MAST4: variants seen among roughly 807,000 people sequenced by gnomAD.
The protein encoded by MAST4 is microtubule-associated serine/threonine-protein kinase 4.
Under a neutral mutation model 162.7 loss-of-function variants are expected in MAST4, and 89 were observed. That is an observed-to-expected ratio of 0.55 (90% CI 0.46 to 0.65). The LOEUF is 0.65. Among genes scored for constraint, MAST4 ranks in the 30% least tolerant of loss-of-function variants. The probability of loss-of-function intolerance (pLI) is 0.00; values close to 1 mark genes in which losing one functional copy is unlikely to be tolerated. For missense variants in MAST4, 3,153 were observed against 3,374.0 expected (o/e 0.93, Z 1.62); for synonymous variants, 1,479 against 1,361.1 (o/e 1.09, Z -1.91).
intron 4 of MAST4, among the ~76,000 whole-genome samples, chr5:66,934,948 C>A (rs1742571346): frequency 6.6e-6 from 1 of 152,120 alleles, no homozygotes; most frequent in African/African-American, 2.4e-5. Flanking sequence ...GTGATAATTA[C>A]TATAGTTAGG....
At chr5:66,612,085 AT>A (rs775961922) in intron 1 of MAST4, among the ~76,000 whole-genome samples, 15 of 152,338 alleles carry the variant, frequency 9.8e-5, no homozygotes, top group Non-Finnish European at 2.1e-4. Context: ...GCAAGGTTTT[AT>A]GTGTATGGCT....
chr5:66,716,344 GTA>G (rs1378933644), intron 1 of MAST4, among the ~76,000 whole-genome samples: 2 of 152,108 alleles, frequency 1.3e-5, no homozygotes, highest in African/African-American at 4.8e-5. Context: ...CTATGTGTGT[GTA>G]TGTGTGTATG....
chr5:66,756,848 A>T (rs971356338), intron 1 of MAST4, among the ~76,000 whole-genome samples: 1 of 152,166 alleles, frequency 6.6e-6, no homozygotes, highest in Non-Finnish European at 1.5e-5. Context: ...CACTATGCTT[A>T]TAGGTTTTCT....
At chr5:66,608,496 C>T (rs4699881) in intron 1 of MAST4, among the ~76,000 whole-genome samples, 103,259 of 151,126 alleles carry the variant, frequency 0.68, 36,436 homozygotes, top group African/African-American at 0.87. Context: ...AAAATATGGA[C>T]GACTTATATG....
intron 1 of MAST4, among the ~76,000 whole-genome samples, chr5:66,601,699 A>T (rs900800655): frequency 1.3e-5 from 2 of 152,210 alleles, no homozygotes; most frequent in Admixed American, 6.5e-5. Context: ...GGAGGAGAGA[A>T]GAGCATGACA....
intron 4 of MAST4, among the ~76,000 whole-genome samples, chr5:66,958,531 T>A (rs1745596150): frequency 6.6e-6 from 1 of 152,230 alleles, no homozygotes; most frequent in South Asian, 2.1e-4. Flanking sequence ...TCCAAGTGCC[T>A]ATCTCTTGCA....
intron 3 of MAST4, among the ~76,000 whole-genome samples, chr5:66,874,676 G>T (rs26923): frequency 0.84 from 128,196 of 152,168 alleles, 54,730 homozygotes; most frequent in Non-Finnish European, 0.92. Flanking sequence ...TAAAATACAT[G>T]GTTTCGGTCT....
At chr5:67,102,761 T>A (rs1371377072) in intron 9 of MAST4, 150 bp downstream of exon 9, 3 of 658,678 alleles carry the variant, frequency 4.6e-6, no homozygotes, top group Non-Finnish European at 5.4e-6. Flanking sequence ...AAAGAGAAAA[T>A]AACTAAAAAA....
At chr5:66,965,532 T>C (rs1452255599) in intron 4 of MAST4, among the ~76,000 whole-genome samples, 1 of 128,040 alleles carries the variant, frequency 7.8e-6, no homozygotes, top group Non-Finnish European at 1.6e-5. Flanking sequence ...ACTGGTTGCG[T>C]TTGAGCTGGA....
intron 1 of MAST4, among the ~76,000 whole-genome samples, chr5:66,739,350 TATTTCCTGGGGCAGGA>T (rs1752350259): frequency 1.3e-5 from 2 of 152,214 alleles, no homozygotes; most frequent in Admixed American, 1.3e-4. Context: ...TTGACCTCTG[TATTTCCTGGGGCAGGA>T]ATTTTTGGGA....
intron 4 of MAST4, among the ~76,000 whole-genome samples, chr5:67,032,622 C>T (rs1412459722): frequency 6.6e-6 from 1 of 152,040 alleles, no homozygotes. Flanking sequence ...TTACTTCTTA[C>T]CTGACTTGAT....
intron 6 of MAST4, chr5:67,093,557 A>G (rs1008482306): frequency 2.5e-6 from 1 of 404,706 alleles, no homozygotes; most frequent in Non-Finnish European, 5.2e-6. Context: ...GTTGTAAATT[A>G]TTTCTGGTCC....
intron 4 of MAST4, among the ~76,000 whole-genome samples, chr5:67,046,688 G>T (rs1360905339): frequency 6.6e-6 from 1 of 152,092 alleles, no homozygotes; most frequent in Non-Finnish European, 1.5e-5. Context: ...TATCTTAATG[G>T]ATTAGATATA....
Position 67,164,590 on chromosome 5 carries a change from C to A in MAST4, c.5411C>A (p.Thr1804Asn), listed in dbSNP as rs1309417705. Residue 1804 changes from threonine (T) to asparagine (N), a missense_variant, in exon 29 of 29, where the codon ACT becomes AAT. Thr to Asn is a moderately conservative substitution (Grantham distance 65). This residue lies in a region of MAST4 where 1,644 missense variants were observed against 1,495.0 expected (regional missense o/e 1.10). Transcript: ENST00000403625. The surrounding 1 kb of genome is among the most constrained non-coding windows in gnomAD (Gnocchi z 5.3). ...SVSCLKPIEG[T>N]LDIALLSGPQ... ...TCATGCCTGAAGCCGATCGAGGGCACTCTGGACATTGCTCTCCTGTCCGGA... is the reference window on the plus strand; with the variant it reads ...TCATGCCTGAAGCCGATCGAGGGCAATCTGGACATTGCTCTCCTGTCCGGA... The A allele has an allele frequency of 6.2e-7, 1 of 1,613,878 alleles. No homozygotes were observed. Among genetic ancestry groups the A allele is most frequent in the African/African-American group, 1.3e-5 (1 of 74,906 alleles).
chr5:66,950,920 C>T (rs908839352), intron 4 of MAST4, among the ~76,000 whole-genome samples: 4 of 152,152 alleles, frequency 2.6e-5, no homozygotes, highest in Admixed American at 6.5e-5. Context: ...TTTTGCTCAA[C>T]ATTATGCTTA....
chr5:66,955,191 G>A (rs966535780), intron 4 of MAST4, among the ~76,000 whole-genome samples: 12 of 148,282 alleles, frequency 8.1e-5, no homozygotes, highest in African/African-American at 1.8e-4. Flanking sequence ...CAGCCTGGGC[G>A]ACAGAGTGAA....
chr5:66,597,565 C>T (rs1409017556), intron 1 of MAST4, among the ~76,000 whole-genome samples: 1 of 152,186 alleles, frequency 6.6e-6, no homozygotes. Flanking sequence ...AGCGTCGGTC[C>T]TCTGGGAGAA....
At chr5:66,934,886 G>A (rs1013616604) in intron 4 of MAST4, among the ~76,000 whole-genome samples, 5 of 152,124 alleles carry the variant, frequency 3.3e-5, no homozygotes, top group African/African-American at 1.2e-4. Flanking sequence ...TCTTTACTGG[G>A]TGATTCTATA....
intron 4 of MAST4, among the ~76,000 whole-genome samples, chr5:66,900,299 T>G (rs957191133): frequency 3.3e-5 from 5 of 152,198 alleles, no homozygotes; most frequent in African/African-American, 1.2e-4. Flanking sequence ...CAAGAATTAG[T>G]GTTCTTTATG....
Sources: allele counts gnomAD v4.1 joint callset (sites outside exome capture counted in the v4.1 genomes callset), GRCh38; gene constraint gnomAD v4.1.1; regional missense constraint gnomAD v4.1.1; non-coding constraint Gnocchi (gnomAD v3.1); transcripts MANE v1.5; gene names NCBI Gene and HGNC (gene_info 2026-07-23, HGNC 2026-07-21).